PSD3: variants seen among roughly 807,000 people sequenced by gnomAD.
The protein encoded by PSD3 is PH and SEC7 domain-containing protein 3.
A neutral mutation model predicts 105.5 loss-of-function variants in PSD3; 49 were observed. The ratio of observed to expected loss-of-function variants is 0.46; its 90% CI spans 0.37 to 0.59. PSD3 has a LOEUF of 0.59. PSD3 is among the 20% of genes least tolerant of loss of function. The pLI is 0.00. For missense variants in PSD3, 1,561 were observed against 1,263.8 expected, an observed-to-expected ratio of 1.24 and a Z score of -3.57; for synonymous variants, 557 against 457.8, an observed-to-expected ratio of 1.22 and a Z score of -2.77.
intron 1 of PSD3, among the ~76,000 whole-genome samples, chr8:19,002,768 A>T (rs6997847): frequency 2.0e-5 from 3 of 151,992 alleles, no homozygotes; most frequent in Admixed American, 6.6e-5. Flanking sequence ...ACATTCTTCC[A>T]CATATTTTGA....
chr8:18,607,080 T>A (rs1373899097), intron 11 of PSD3, among the ~76,000 whole-genome samples: 1 of 152,126 alleles, frequency 6.6e-6, no homozygotes, highest in Non-Finnish European at 1.5e-5. Context: ...TTTGCAGTGG[T>A]CGGTCTGCTA....
At chr8:18,625,618 C>A (rs1806420718) in intron 11 of PSD3, among the ~76,000 whole-genome samples, 1 of 152,184 alleles carries the variant, frequency 6.6e-6, no homozygotes, top group East Asian at 1.9e-4. Context: ...ACAAAAAATG[C>A]AGAATTTAAA....
chr8:19,068,146 A>G (rs1260020134), intron 1 of PSD3, among the ~76,000 whole-genome samples: 2 of 152,166 alleles, frequency 1.3e-5, no homozygotes, highest in Non-Finnish European at 2.9e-5. Flanking sequence ...GATATCTGCC[A>G]GAGTCCCCAG....
chr8:18,918,565 T>C (rs530381949), intron 2 of PSD3, among the ~76,000 whole-genome samples: 35 of 152,328 alleles, frequency 2.3e-4, no homozygotes, highest in Admixed American at 3.3e-4. Context: ...CTTCCAGGAA[T>C]GTACTGAAGG....
chr8:18,747,250 G>A (rs1275301637), intron 9 of PSD3, among the ~76,000 whole-genome samples: 2 of 152,176 alleles, frequency 1.3e-5, no homozygotes, highest in Admixed American at 6.5e-5. Context: ...TGAAGTTAAC[G>A]ACACTGGAAG....
intron 11 of PSD3, among the ~76,000 whole-genome samples, chr8:18,630,546 A>C (rs1182205797): frequency 6.6e-6 from 1 of 152,014 alleles, no homozygotes; most frequent in African/African-American, 2.4e-5. Flanking sequence ...CAATGAAAAG[A>C]TGCTCACATG....
chr8:18,878,461 T>A (rs1817877444), intron 2 of PSD3, among the ~76,000 whole-genome samples: 1 of 152,214 alleles, frequency 6.6e-6, no homozygotes, highest in African/African-American at 2.4e-5. Context: ...TACCATTGCC[T>A]CTACACTGAA....
At chr8:18,962,165 G>C (rs570250030) in intron 1 of PSD3, among the ~76,000 whole-genome samples, 2 of 151,746 alleles carry the variant, frequency 1.3e-5, no homozygotes, top group African/African-American at 2.4e-5. Flanking sequence ...AGAATCTCTC[G>C]AATCTGGGAG....
chr8:18,828,039 ATATATATGTATATATATATATATATATAT>A (rs1813350968), intron 4 of PSD3, among the ~76,000 whole-genome samples: 3 of 125,712 alleles, frequency 2.4e-5, no homozygotes, highest in African/African-American at 9.8e-5. Flanking sequence ...TATATATAAT[ATATATATGTATATATATATATATATATAT>A]TTTTTTTTTT....
intron 14 of PSD3, among the ~76,000 whole-genome samples, chr8:18,562,864 G>C (rs181133330): frequency 6.6e-6 from 1 of 151,944 alleles, no homozygotes; most frequent in Non-Finnish European, 1.5e-5. Flanking sequence ...ACTCCAGCCT[G>C]GGCGACAGAG....
intron 1 of PSD3, among the ~76,000 whole-genome samples, chr8:18,991,586 A>T (rs1260825790): frequency 6.6e-6 from 1 of 152,214 alleles, no homozygotes; most frequent in Non-Finnish European, 1.5e-5. Flanking sequence ...AATTTGGGAC[A>T]CCACCAAAAC....
At chr8:18,961,064 C>G (rs1035872282) in intron 1 of PSD3, among the ~76,000 whole-genome samples, 1 of 152,038 alleles carries the variant, frequency 6.6e-6, no homozygotes, top group African/African-American at 2.4e-5. Context: ...TGCCCTCCAG[C>G]CTGGGTGACA....
chr8:18,869,836 A>G (rs972260332), intron 3 of PSD3, among the ~76,000 whole-genome samples: 3 of 152,152 alleles, frequency 2.0e-5, no homozygotes, highest in African/African-American at 7.2e-5. Context: ...TGTTTATGTG[A>G]TCAATGTTTA....
chr8:18,855,033 A>T (rs1194936336), intron 4 of PSD3, among the ~76,000 whole-genome samples: 1 of 152,190 alleles, frequency 6.6e-6, no homozygotes, highest in African/African-American at 2.4e-5. Flanking sequence ...TGGCCGCCAG[A>T]CCTAACCAAT....
intron 11 of PSD3, among the ~76,000 whole-genome samples, chr8:18,613,439 C>T (rs1018225875): frequency 6.6e-6 from 1 of 152,178 alleles, no homozygotes; most frequent in African/African-American, 2.4e-5. Context: ...TCTCACTTTG[C>T]TGATGCGTAT....
intron 1 of PSD3, among the ~76,000 whole-genome samples, chr8:19,055,725 A>T (rs568628641): frequency 8.0e-4 from 122 of 152,328 alleles, no homozygotes; most frequent in Admixed American, 2.7e-3. Context: ...AATTAAGACA[A>T]GTGCACTGAA....
chr8:18,735,264 G>A (rs1029479109), intron 9 of PSD3, among the ~76,000 whole-genome samples: 1 of 152,032 alleles, frequency 6.6e-6, no homozygotes, highest in Non-Finnish European at 1.5e-5. Context: ...GTTGAGATAC[G>A]GAAATAATGG....
chr8:18,682,659 T>C (rs1163268637), intron 9 of PSD3, among the ~76,000 whole-genome samples: 1 of 152,100 alleles, frequency 6.6e-6, no homozygotes, highest in African/African-American at 2.4e-5. Flanking sequence ...AGGGGGTGAA[T>C]AGGAAGCCAA....
chr8:18,954,828 C>T (rs1485333746), intron 1 of PSD3, among the ~76,000 whole-genome samples: 1 of 152,154 alleles, frequency 6.6e-6, no homozygotes, highest in Non-Finnish European at 1.5e-5. Context: ...TCAAGGACCA[C>T]ACACTGAGAA....
Sources: allele counts gnomAD v4.1 joint callset (sites outside exome capture counted in the v4.1 genomes callset), GRCh38; gene constraint gnomAD v4.1.1; transcripts MANE v1.5; gene names NCBI Gene and HGNC (gene_info 2026-07-23, HGNC 2026-07-21).